PHF21A: variants seen among roughly 807,000 people sequenced by gnomAD.
PHF21A encodes the protein BHC80a.
A neutral mutation model predicts 82.5 loss-of-function variants in PHF21A; 11 were observed. The ratio of observed to expected loss-of-function variants is 0.13; its 90% CI spans 0.08 to 0.22. The LOEUF (loss-of-function observed/expected upper bound fraction) is 0.22, where lower values mean the gene tolerates loss of function less well. Among genes scored for constraint, PHF21A ranks in the 10% least tolerant of loss-of-function variants. The probability of loss-of-function intolerance (pLI) is 1.00; values close to 1 mark genes in which losing one functional copy is unlikely to be tolerated. For synonymous variants in PHF21A, 297 were observed against 302.8 expected (o/e 0.98, Z 0.20); for missense variants, 579 against 837.8 (o/e 0.69, Z 3.81).
At chr11:45,960,117 T>C (rs757343295) in intron 10 of PHF21A, among the ~76,000 whole-genome samples, 2 of 152,244 alleles carry the variant, frequency 1.3e-5, no homozygotes, top group Non-Finnish European at 2.9e-5. Context: ...GAAAACAGTT[T>C]GGCAGTTCTT....
chr11:46,086,778 T>A (rs1241628646), intron 3 of PHF21A, among the ~76,000 whole-genome samples: 2 of 152,178 alleles, frequency 1.3e-5, no homozygotes, highest in African/African-American at 4.8e-5. Context: ...AAAACCATAG[T>A]TCAATTCAAT....
In PHF21A at chr11:46,099,216, A is replaced by C. The variant is rs1338191069; in HGVS notation, c.-236-6993T>G. ...AAGCACAGTAAACCCAACTATAGCC[A>C]GAAGCTTATCCAGAGAAACACATGC... On this transcript the variant is annotated intron_variant, in intron 1 of 18. Transcript: ENST00000676320. Among the ~76,000 whole-genome samples the C allele has an allele frequency of 1.3e-4, 20 of 152,178 alleles. 1 individual carries two copies. Among genetic ancestry groups the C allele is most frequent in the Admixed American group, 1.3e-3 (20 of 15,272 alleles).
chr11:46,030,269 T>G (rs1043749972), intron 6 of PHF21A, among the ~76,000 whole-genome samples: 9 of 152,200 alleles, frequency 5.9e-5, no homozygotes, highest in Non-Finnish European at 1.2e-4. Flanking sequence ...TTTAAAAGGG[T>G]GTCAAGACAA....
At chr11:46,078,854 A>T (rs2096758369) in intron 5 of PHF21A, among the ~76,000 whole-genome samples, 1 of 152,184 alleles carries the variant, frequency 6.6e-6, no homozygotes, top group African/African-American at 2.4e-5. Context: ...AATTTAAGCT[A>T]TATGACAAGT....
Position 46,120,135 on chromosome 11 carries a change from T to TCACACA in PHF21A, c.-237+794_-237+799dup, listed in dbSNP as rs911282519. ...GACAAATGCACCAACACACTCACAC[T>TCACACA]CACACACACACAAACACACACACTG... On this transcript the variant is annotated intron_variant, in intron 1 of 18. Transcript: ENST00000676320. Among the ~76,000 whole-genome samples, 275 of 146,920 alleles carry TCACACA rather than the reference T, an allele frequency of 1.9e-3. 1 individual carries two copies. Among genetic ancestry groups the TCACACA allele is most frequent in the African/African-American group, 6.3e-3 (252 of 40,072 alleles).
intron 6 of PHF21A, among the ~76,000 whole-genome samples, chr11:46,025,242 C>T (rs1592147800): frequency 6.6e-6 from 1 of 151,938 alleles, no homozygotes; most frequent in Non-Finnish European, 1.5e-5. Flanking sequence ...TTTCATACCA[C>T]AGATACAAAG....
chr11:45,988,876 G>A (rs1312079190), intron 6 of PHF21A, among the ~76,000 whole-genome samples: 2 of 152,142 alleles, frequency 1.3e-5, no homozygotes, highest in African/African-American at 4.8e-5. Flanking sequence ...GGGTGACAGA[G>A]CGAGACTGTC....
chr11:46,049,232 G>C (rs1008937903), intron 6 of PHF21A, among the ~76,000 whole-genome samples: 1 of 152,214 alleles, frequency 6.6e-6, no homozygotes, highest in Non-Finnish European at 1.5e-5. Flanking sequence ...AAGTAATACA[G>C]AACTGTCAGA....
At position 45,950,240 on chromosome 11, in the gene PHF21A, C is replaced by T. The variant is rs377353890; in HGVS notation, c.1113G>A (p.Val371=). ...GGTCATGTGTTACCAACCCTAGAGA[C>T]ACCATGAAGGCAAGTTTCTGTGCCA... ...EENPQKLAFM[V]SLGLVTHDHL... Residue 371 remains valine, a synonymous_variant, in exon 12 of 19, where the codon GTG becomes GTA. Coordinates refer to ENST00000676320, the MANE Select transcript of PHF21A (RefSeq NM_001352027.3). 10 of 1,609,800 alleles carry T rather than the reference C, an allele frequency of 6.2e-6. No individual in the cohort carries two copies. Among genetic ancestry groups the T allele is most frequent in the East Asian group, 2.2e-5 (1 of 44,708 alleles).
At chr11:45,975,878 C>T (rs1413233748) in intron 7 of PHF21A, among the ~76,000 whole-genome samples, 1 of 152,116 alleles carries the variant, frequency 6.6e-6, no homozygotes, top group Non-Finnish European at 1.5e-5. Context: ...CCCTGGCCCC[C>T]CGATTGCTAC....
rs78192606 is a variant in PHF21A at position 45,983,092 on chromosome 11, G to A, written c.154-3126C>T. Reference sequence around the variant, plus strand: ...TAGGGAAAGCAGGAGCAAGGGATGCGGGCTAGAGTACTACTCTTCAGCCAT... The same window carrying A: ...TAGGGAAAGCAGGAGCAAGGGATGCAGGCTAGAGTACTACTCTTCAGCCAT... On this transcript the variant is annotated intron_variant, in intron 6 of 18. Transcript: ENST00000676320. 7.3e-3 allele frequency among the ~76,000 whole-genome samples: 1,113 copies of A among 152,014 alleles called. 15 individuals carry two copies. The highest frequency in any genetic ancestry group is 0.025 in the African/African-American group (1,033 of 41,432).
At chr11:45,971,064 C>G (rs750397114) in intron 8 of PHF21A, 52 bp downstream of exon 8, 19 of 1,593,532 alleles carry the variant, frequency 1.2e-5, no homozygotes, top group African/African-American at 2.7e-5. Context: ...TATACAAATG[C>G]GTATCCTAAC....
chr11:45,977,131 CTTTGATTT>C (rs1185579731), intron 7 of PHF21A, among the ~76,000 whole-genome samples: 15 of 150,062 alleles, frequency 1.0e-4, no homozygotes, highest in Non-Finnish European at 1.8e-4. Context: ...GAAATGCTTC[CTTTGATTT>C]TTTTTTTTTT....
Position 46,121,021 on chromosome 11 carries a change from T to A in PHF21A, c.-323A>T, listed in dbSNP as rs1179267631. The A allele has an allele frequency of 6.5e-6, 1 of 154,488 alleles. No homozygotes were observed. The highest frequency in any genetic ancestry group is 2.4e-5 in the African/African-American group (1 of 41,180). 9.6% of individuals were successfully genotyped at this position (154,488 alleles called of 1,614,324 possible). ...AGCAGGAGGAGGAGGAGGAGGGAAC[T>A]CTTCTTCATGGGGAGGGAGGGAAGA... On this transcript the variant is annotated 5_prime_UTR_variant, in exon 1 of 19. Coordinates refer to ENST00000676320, the MANE Select transcript of PHF21A (RefSeq NM_001352027.3).
chr11:45,951,494 G>A (rs1268551198), intron 11 of PHF21A, among the ~76,000 whole-genome samples: 1 of 152,222 alleles, frequency 6.6e-6, no homozygotes, highest in Non-Finnish European at 1.5e-5. Flanking sequence ...AGCCAGATTA[G>A]TCTGGTAAGA....
intron 6 of PHF21A, among the ~76,000 whole-genome samples, chr11:46,047,358 T>A (rs2096272939): frequency 6.6e-6 from 1 of 152,208 alleles, no homozygotes; most frequent in Admixed American, 6.5e-5. Flanking sequence ...TCCTTGATGG[T>A]TTATCATGAA....
intron 1 of PHF21A, among the ~76,000 whole-genome samples, chr11:46,106,783 C>A (rs918991520): frequency 4.6e-5 from 7 of 152,226 alleles, no homozygotes; most frequent in Non-Finnish European, 7.3e-5. Flanking sequence ...ACTGCCATCT[C>A]AATGGGAGTA....
chr11:46,059,029 T>C (rs1592633471), intron 6 of PHF21A, among the ~76,000 whole-genome samples: 1 of 152,178 alleles, frequency 6.6e-6, no homozygotes, highest in Admixed American at 6.5e-5. Context: ...CCTAATACAG[T>C]TCCAATAATT....
Position 45,935,706 on chromosome 11 carries a change from C to T in PHF21A, c.1718G>A (p.Trp573Ter). 7.6e-7 allele frequency: 1 copy of T among 1,319,580 alleles called. No individual in the cohort carries two copies. The highest frequency in any genetic ancestry group is 1.1e-6 in the Non-Finnish European group (1 of 928,442). The allele number at this position is 1,319,580 out of a possible 1,614,324, so 81.7% of individuals were successfully genotyped here. A position where few individuals can be genotyped will look rare whatever the true frequency, so the allele number is the denominator to read the frequency against. Residue 573 changes from tryptophan (W) to a stop codon, truncating the protein, a stop_gained, in exon 18 of 19, where the codon TGG becomes TAG. Transcript: ENST00000676320. LOFTEE classifies it high-confidence loss of function. Reference protein sequence around the residue: ...KEEEKQKLLKWSSDLKQEREQ... With the variant: ...KEEEKQKLLK Reference sequence around the variant, plus strand: ...TCGTTCTTGTTTTAAATCTGAACTCCATTTAAGTAACTTCTGTTTCTCTTC... The same window carrying T: ...TCGTTCTTGTTTTAAATCTGAACTCTATTTAAGTAACTTCTGTTTCTCTTC...
Sources: allele counts gnomAD v4.1 joint callset (sites outside exome capture counted in the v4.1 genomes callset), GRCh38; gene constraint gnomAD v4.1.1; transcripts MANE v1.5; gene names NCBI Gene and HGNC (gene_info 2026-07-23, HGNC 2026-07-21).